SLC35F4: variants seen among roughly 807,000 people sequenced by gnomAD.
The protein encoded by SLC35F4 is solute carrier family 35 member F4, also known as chromosome 14 open reading frame 36.
SLC35F4 carries 24 observed loss-of-function variants against 44.2 expected under a neutral mutation model. The ratio of observed to expected loss-of-function variants is 0.54; its 90% CI spans 0.39 to 0.76. The LOEUF (loss-of-function observed/expected upper bound fraction) is 0.76. SLC35F4 is among the 30% of genes least tolerant of loss of function. The pLI is 0.00. For synonymous variants in SLC35F4, 238 were observed against 223.6 expected, an observed-to-expected ratio of 1.06 and a Z score of -0.57; for missense variants, 562 against 586.1, an observed-to-expected ratio of 0.96 and a Z score of 0.42.
intron 1 of SLC35F4, among the ~76,000 whole-genome samples, chr14:57,874,668 A>G (rs1888362065): frequency 1.3e-5 from 2 of 152,130 alleles, no homozygotes; most frequent in African/African-American, 2.4e-5. Context: ...ATCTTCGGCT[A>G]TGTGGCTTTC....
intron 1 of SLC35F4, among the ~76,000 whole-genome samples, chr14:57,725,707 A>G (rs1188608441): frequency 6.6e-6 from 1 of 152,174 alleles, no homozygotes; most frequent in Non-Finnish European, 1.5e-5. Context: ...AAGTCACACT[A>G]ACAATGCCAA....
In SLC35F4 at chr14:57,656,372, TATATACACACACAC is replaced by T. The variant is rs1327575456; in HGVS notation, c.104-62262_104-62249del. ...CATGTCCTTAGAGTATATATATATA[TATATACACACACAC>T]ACACACACACACACACACACAGATA... On this transcript the variant is annotated intron_variant, in intron 1 of 7. Coordinates refer to ENST00000556826, the MANE Select transcript of SLC35F4 (RefSeq NM_001306087.2). 2.6e-3 allele frequency among the ~76,000 whole-genome samples: 221 copies of T among 86,140 alleles called. 2 individuals are homozygous for T. The highest frequency in any genetic ancestry group is 9.9e-3 in the African/African-American group (168 of 16,890). The allele number at this position is 86,140 out of a possible 152,430, so 56.5% of individuals were successfully genotyped here. A position where few individuals can be genotyped will look rare whatever the true frequency, so the allele number is the denominator to read the frequency against.
At chr14:57,719,215 A>G (rs1188747433) in intron 1 of SLC35F4, among the ~76,000 whole-genome samples, 1 of 152,182 alleles carries the variant, frequency 6.6e-6, no homozygotes, top group Non-Finnish European at 1.5e-5. Context: ...TTATGCCAGT[A>G]CCATGCTGTT....
At chr14:57,594,242 T>C in intron 1 of SLC35F4, 118 bp from the exon 2 acceptor site, 1 of 999,608 alleles carries the variant, frequency 1.0e-6, no homozygotes, top group Admixed American at 2.8e-5. Flanking sequence ...CAGGCTAGAG[T>C]GCAGTGGTGT....
At chr14:57,650,243 G>A (rs886103452) in intron 1 of SLC35F4, among the ~76,000 whole-genome samples, 2 of 151,994 alleles carry the variant, frequency 1.3e-5, no homozygotes, top group Non-Finnish European at 2.9e-5. Context: ...CTCTAGCCTT[G>A]GCTTTCCCAC....
At chr14:57,971,773 C>T (rs530049250), downstream of SLC35F4, among the ~76,000 whole-genome samples, 1 of 152,140 alleles carries the variant, frequency 6.6e-6, no homozygotes, top group African/African-American at 2.4e-5. Flanking sequence ...CCAGAGGGTA[C>T]AAACTTTCAG....
intron 1 of SLC35F4, among the ~76,000 whole-genome samples, chr14:57,610,613 A>C (rs1293853959): frequency 1.3e-5 from 2 of 152,118 alleles, no homozygotes; most frequent in African/African-American, 2.4e-5. Context: ...ATTTTTCCTT[A>C]TTAATATACC....
intron 1 of SLC35F4, among the ~76,000 whole-genome samples, chr14:57,713,785 A>G (rs780174129): frequency 5.3e-5 from 8 of 152,170 alleles, no homozygotes; most frequent in Non-Finnish European, 8.8e-5. Flanking sequence ...TCAATTTTTT[A>G]AAAAATCAAA....
At chr14:57,688,386 T>C (rs2075129639) in intron 1 of SLC35F4, among the ~76,000 whole-genome samples, 1 of 152,204 alleles carries the variant, frequency 6.6e-6, no homozygotes, top group Admixed American at 6.6e-5. Flanking sequence ...ACTCAAATTG[T>C]TGCATGGCAG....
intron 1 of SLC35F4, among the ~76,000 whole-genome samples, chr14:57,945,900 TG>T (rs1350102217): frequency 6.6e-6 from 1 of 152,234 alleles, no homozygotes; most frequent in African/African-American, 2.4e-5. Context: ...TTCATATGTC[TG>T]TTGGCCATTT....
In SLC35F4 at chr14:57,865,743, G is replaced by C; in HGVS notation, c.83C>G (p.Pro28Arg). The change falls in exon 1 of 8, where the codon CCA becomes CGA. Residue 28 changes from proline (P) to arginine (R), a missense_variant. By Grantham distance (103) the Pro-to-Arg change is moderately radical (BLOSUM62 -2). Coordinates refer to ENST00000556826, the MANE Select transcript of SLC35F4 (RefSeq NM_001306087.2). ...CTTACTTTTCTGGCTGGAGTAACCT[G>C]GATAATAGCCATAGTAGCCGGTGAT... ...LRITGYYGYY[P>R]GYSSQKSTSR... 3.9e-6 allele frequency: 6 copies of C among 1,523,390 alleles called. 1 individual carries two copies. The South Asian group carries it at 7.3e-5, about 19-fold the overall frequency. 94.4% of individuals were successfully genotyped at this position (1,523,390 alleles called of 1,614,324 possible).
At chr14:57,912,923 T>G (rs889762788) in intron 1 of SLC35F4, among the ~76,000 whole-genome samples, 3 of 152,116 alleles carry the variant, frequency 2.0e-5, no homozygotes, top group Non-Finnish European at 4.4e-5. Context: ...ATCGGTTTCT[T>G]TCCTCACATA....
chr14:57,742,194 T>C (rs905703280), intron 1 of SLC35F4, among the ~76,000 whole-genome samples: 2 of 152,142 alleles, frequency 1.3e-5, no homozygotes, highest in African/African-American at 4.8e-5. Context: ...GCTAACATCA[T>C]AATGACAGGA....
At chr14:57,597,784 T>C (rs1048055662) in intron 1 of SLC35F4, among the ~76,000 whole-genome samples, 2 of 152,112 alleles carry the variant, frequency 1.3e-5, no homozygotes, top group Admixed American at 1.3e-4. Flanking sequence ...AGCTCAATAT[T>C]AAGACGATCA....
At chr14:57,685,768 T>C (rs915187364) in intron 1 of SLC35F4, among the ~76,000 whole-genome samples, 1 of 152,220 alleles carries the variant, frequency 6.6e-6, no homozygotes, top group African/African-American at 2.4e-5. Context: ...AACCCTCAAA[T>C]TGACTGTCTT....
chr14:57,779,283 T>C (rs554593035), intron 1 of SLC35F4, among the ~76,000 whole-genome samples: 3 of 151,992 alleles, frequency 2.0e-5, no homozygotes, highest in African/African-American at 2.4e-5. Flanking sequence ...TAAACATAAT[T>C]AGAAACGATA....
At chr14:57,705,294 T>A (rs914069068) in intron 1 of SLC35F4, among the ~76,000 whole-genome samples, 4 of 152,090 alleles carry the variant, frequency 2.6e-5, no homozygotes, top group African/African-American at 9.7e-5. Context: ...AGGTAGAATA[T>A]ATGGTAAGTC....
chr14:57,790,900 A>G (rs960879287), intron 1 of SLC35F4, among the ~76,000 whole-genome samples: 2 of 152,250 alleles, frequency 1.3e-5, no homozygotes, highest in Admixed American at 1.3e-4. Flanking sequence ...TCCCTATTTA[A>G]TAAATGGTGC....
intron 1 of SLC35F4, among the ~76,000 whole-genome samples, chr14:57,953,548 G>A (rs963161463): frequency 6.6e-6 from 1 of 152,130 alleles, no homozygotes; most frequent in African/African-American, 2.4e-5. Context: ...CATGTGAAAA[G>A]ACACACATGG....
Sources: allele counts gnomAD v4.1 joint callset (sites outside exome capture counted in the v4.1 genomes callset), GRCh38; gene constraint gnomAD v4.1.1; transcripts MANE v1.5; gene names NCBI Gene and HGNC (gene_info 2026-07-23, HGNC 2026-07-21).